Variants in ZNF512B observed in about 807,000 individuals in gnomAD.
ZNF512B encodes zinc finger protein 512B.
A neutral mutation model predicts 87.8 loss-of-function variants in ZNF512B; 22 were observed. That is an observed-to-expected ratio of 0.25 (90% CI 0.18 to 0.36). The LOEUF is 0.36. Among genes scored for constraint, ZNF512B ranks in the 10% least tolerant of loss-of-function variants. ZNF512B has a pLI of 1.00. For synonymous variants in ZNF512B, 524 were observed against 490.9 expected (o/e 1.07, Z -0.89); for missense variants, 1,060 against 1,231.6 (o/e 0.86, Z 2.09).
intron 16 of ZNF512B, 122 bp from the exon 17 acceptor site, chr20:63,960,261 G>GTGTCCAGCCCT: frequency 7.1e-7 from 1 of 1,417,466 alleles, no homozygotes; most frequent in Non-Finnish European, 9.4e-7. Context: ...CAGCAGGGCT[G>GTGTCCAGCCCT]GACACAGCCT....
chr20:63,964,760 G>A (rs751493456), intron 5 of ZNF512B, 44 bp from the exon 6 acceptor site: 20 of 1,596,970 alleles, frequency 1.3e-5, no homozygotes, highest in Middle Eastern at 2.3e-4. Context: ...GCCTAACTGT[G>A]GGCCCCATTA....
At chr20:63,963,313 A>C in intron 11 of ZNF512B, 29 bp downstream of exon 11, 1 of 1,536,394 alleles carries the variant, frequency 6.5e-7, no homozygotes, top group Non-Finnish European at 8.7e-7. Context: ...GGGCCCCCCC[A>C]CCCCACACTG....
chr20:63,967,981 C>G (rs373131746), intron 1 of ZNF512B, 29 bp from the exon 2 acceptor site: 3 of 1,584,542 alleles, frequency 1.9e-6, no homozygotes, highest in African/African-American at 1.3e-5. Context: ...ATCTGTGAAG[C>G]CTGACGGGCC....
chr20:63,967,463 G>A lies in ZNF512B; in HGVS notation c.182C>T (p.Pro61Leu), dbSNP rs199991276. Residue 61 changes from proline to leucine, a missense_variant, in exon 3 of 17, where the codon CCG becomes CTG. By Grantham distance (98) the Pro-to-Leu change is moderately conservative (BLOSUM62 -3). Transcript: ENST00000369888. The part of the protein sequence containing the change: ...VPGQAPLCFD[P>L]GSPASDKTEG... ...TGTCTTGTCACTGGCTGGACTTCCC[G>A]GGTCAAAGCAGAGAGGGGCCTGGCC... The A allele has an allele frequency of 8.1e-5, 131 of 1,612,836 alleles. No individual in the cohort carries two copies. The highest frequency in any genetic ancestry group is 2.9e-4 in the South Asian group (26 of 91,002).
chr20:63,962,708 C>T lies in ZNF512B; in HGVS notation c.2042G>A (p.Arg681His), dbSNP rs1601476970. 5 of 1,602,596 alleles carry T rather than the reference C, an allele frequency of 3.1e-6. No individual in the cohort carries two copies. Among genetic ancestry groups the T allele is most frequent in the Non-Finnish European group, 4.3e-6 (5 of 1,176,240 alleles). The change falls in exon 13 of 17, where the codon CGT becomes CAT. Residue 681 changes from arginine (R) to histidine (H), a missense_variant. Physicochemically the swap from Arg to His is conservative, Grantham distance 29. Coordinates refer to ENST00000369888, the MANE Select transcript of ZNF512B (RefSeq NM_020713.3). ...PLGVERTPSG[R>H]VRRTSAQVAV... ...CACCTGGGCCGACGTGCGGCGGACA[C>T]GCCCGCTTGGGGTCCGCTCCACACC... is the stretch of plus-strand genomic sequence containing the variant.
At chr20:63,963,592 G>A in intron 10 of ZNF512B, 26 bp downstream of exon 10, 1 of 1,612,442 alleles carries the variant, frequency 6.2e-7, no homozygotes, top group South Asian at 1.1e-5. Context: ...GGTCACGCTG[G>A]ACGGGAGCTG....
chr20:63,967,678 A>G, intron 2 of ZNF512B, 152 bp downstream of exon 2: 3 of 1,472,378 alleles, frequency 2.0e-6, no homozygotes, highest in Middle Eastern at 1.8e-4. Flanking sequence ...ACCCTGGGCT[A>G]TGTCCAAGGC....
intron 5 of ZNF512B, 59 bp from the exon 6 acceptor site, chr20:63,964,775 C>G: frequency 6.3e-7 from 1 of 1,585,792 alleles, no homozygotes; most frequent in East Asian, 2.3e-5. Context: ...CCATTACCCC[C>G]AGGCCGTGGC....
At chr20:63,960,793 A>G (rs1348855629) in intron 16 of ZNF512B, among the ~76,000 whole-genome samples, 27 of 128,474 alleles carry the variant, frequency 2.1e-4, no homozygotes, top group African/African-American at 6.7e-4. Context: ...GGACCAGGCA[A>G]GCACCTGCAG....
intron 12 of ZNF512B, 23 bp downstream of exon 12, chr20:63,963,071 GC>G: frequency 1.3e-6 from 2 of 1,530,466 alleles, no homozygotes; most frequent in Non-Finnish European, 1.8e-6. Flanking sequence ...CAAGCACTGT[GC>G]CACAGAACAG....
Position 63,961,826 on chromosome 20 carries a change from T to G in ZNF512B, c.2328+116A>C. 9.0e-7 allele frequency: 1 copy of G among 1,108,462 alleles called. No individual in the cohort carries two copies. Among genetic ancestry groups the G allele is most frequent in the Non-Finnish European group, 1.3e-6 (1 of 760,668 alleles). 68.7% of individuals were successfully genotyped at this position (1,108,462 alleles called of 1,614,324 possible). The stretch of plus-strand genomic sequence containing the variant: ...TGGGTTCGTGGAAGAGGAGGCCACG[T>G]AGAAAAAGTAGGGGACAAGGCAGGG... On this transcript the variant is annotated intron_variant, in intron 15 of 16. Coordinates refer to ENST00000369888, the MANE Select transcript of ZNF512B (RefSeq NM_020713.3). This position sits in a 1 kb window ranked among gnomAD's most constrained non-coding sequence, Gnocchi z 6.4.
chr20:63,964,501 C>T lies in ZNF512B; in HGVS notation c.1250G>A (p.Arg417His), dbSNP rs765351969. Residue 417 changes from arginine (R) to histidine (H), a missense_variant, in exon 6 of 17, where the codon CGC (arginine) becomes CAC (histidine). Coordinates refer to ENST00000369888, the MANE Select transcript of ZNF512B (RefSeq NM_020713.3). ...AGCTCTCATCTTACTGTGCTTTGTG[C>T]GCTCCGGGTCCTCCTCAGGCGGGGA... is the stretch of plus-strand genomic sequence containing the variant. ...PASPPEEDPERTKHRRKQKTP... is the reference protein window; with the variant it reads ...PASPPEEDPEHTKHRRKQKTP... 5.6e-6 allele frequency: 9 copies of T among 1,612,560 alleles called. No homozygotes were observed. The highest frequency in any genetic ancestry group is 7.6e-6 in the Non-Finnish European group (9 of 1,179,832).
chr20:63,961,223 T>C lies in ZNF512B; in HGVS notation c.2427+86A>G. ...GCACACCCCATGCAGGCCACTGACC[T>C]CTCTACCCCCAAGGGGTGCCCAACC... On this transcript the variant is annotated intron_variant, in intron 16 of 16. Transcript: ENST00000369888. The surrounding 1 kb of genome is among the most constrained non-coding windows in gnomAD (Gnocchi z 6.4). 1 of 1,284,624 alleles carries C rather than the reference T, an allele frequency of 7.8e-7. No individual in the cohort carries two copies. Among genetic ancestry groups the C allele is most frequent in the Non-Finnish European group, 1.1e-6 (1 of 899,606 alleles). The allele number at this position is 1,284,624 out of a possible 1,614,324, so 79.6% of individuals were successfully genotyped here.
chr20:63,966,828 C>G, intron 4 of ZNF512B, 47 bp from the exon 5 acceptor site: 1 of 1,610,660 alleles, frequency 6.2e-7, no homozygotes, highest in Non-Finnish European at 8.5e-7. Context: ...AGGGCCTCTG[C>G]CCAAACACAC....
In ZNF512B at chr20:63,963,352, C is replaced by A; in HGVS notation, c.1787G>T (p.Cys596Phe). The change falls in exon 11 of 17, where the codon TGC becomes TTC. Residue 596 changes from cysteine to phenylalanine, a missense_variant. By Grantham distance (205) the Cys-to-Phe change is radical. Around this residue, in one of 9 missense-constraint regions of ZNF512B, gnomAD observed 165 missense variants for 173.0 expected, o/e 0.95. Coordinates refer to ENST00000369888, the MANE Select transcript of ZNF512B (RefSeq NM_020713.3). ...KVLKQMGRLR[C>F]PQEGCGAAFS... ...CGGCCCCCCACTGACCTCCTGGGGGCAGCGCAGCCGTCCCATCTGCTTCAG... is the reference window on the plus strand; with the variant it reads ...CGGCCCCCCACTGACCTCCTGGGGGAAGCGCAGCCGTCCCATCTGCTTCAG... The A allele has an allele frequency of 6.5e-7, 1 of 1,541,892 alleles. No individual in the cohort carries two copies. The highest frequency in any genetic ancestry group is 8.7e-7 in the Non-Finnish European group (1 of 1,148,550).
rs757586186 is a variant in ZNF512B, at chr20:63,962,571, G to T, written c.2163+16C>A. 39 of 1,589,756 alleles carry T rather than the reference G, an allele frequency of 2.5e-5. No individual in the cohort carries two copies. The highest frequency in any genetic ancestry group is 2.3e-4 in the African/African-American group (17 of 74,008). On this transcript the variant is annotated intron_variant, in intron 13 of 16. Transcript: ENST00000369888. ...AGGCCACGGCGCTGTCCACAGCCCT[G>T]GGGGGGGCAGCTCACCCGTGCGGTC...
In ZNF512B at chr20:63,966,618, A is replaced by T; in HGVS notation, c.557T>A (p.Val186Asp). 6.2e-7 allele frequency: 1 copy of T among 1,613,490 alleles called. No homozygotes were observed. Among genetic ancestry groups the T allele is most frequent in the Non-Finnish European group, 8.5e-7 (1 of 1,179,936 alleles). ...ISRPVTISRPVGVSKPIGVSK... is the reference protein window; with the variant it reads ...ISRPVTISRPDGVSKPIGVSK... ...CACTCCGATGGGCTTGCTGACCCCA[A>T]CAGGCCGGCTGATGGTGACCGGCCT... The change falls in exon 5 of 17, where the codon GTT becomes GAT. Residue 186 changes from valine (V) to aspartate (D), a missense_variant. Val to Asp is a radical substitution (Grantham distance 152). This residue lies in a region of ZNF512B where 201 missense variants were observed against 226.8 expected (regional missense o/e 0.89). Coordinates refer to ENST00000369888, the MANE Select transcript of ZNF512B (RefSeq NM_020713.3).
At chr20:63,968,615 C>T (rs1309598043) in intron 1 of ZNF512B, among the ~76,000 whole-genome samples, 1 of 152,230 alleles carries the variant, frequency 6.6e-6, no homozygotes. Context: ...CTGCACCAAG[C>T]TCCCGTCCCT....
chr20:63,968,043 C>G (rs1472036747), intron 1 of ZNF512B, 91 bp from the exon 2 acceptor site: 20 of 1,492,740 alleles, frequency 1.3e-5, no homozygotes, highest in Non-Finnish European at 1.6e-5. Context: ...TTGGCAGGTC[C>G]TCTCTGGTCA....
Sources: allele counts gnomAD v4.1 joint callset (sites outside exome capture counted in the v4.1 genomes callset), GRCh38; gene constraint gnomAD v4.1.1; regional missense constraint gnomAD v4.1.1; non-coding constraint Gnocchi (gnomAD v3.1); transcripts MANE v1.5; gene names NCBI Gene and HGNC (gene_info 2026-07-23, HGNC 2026-07-21).